The following AGPAT3 variants were observed in gnomAD, a reference collection of about 807,000 sequenced individuals.
The protein encoded by AGPAT3 is 1-acylglycerol-3-phosphate O-acyltransferase 3.
Under a neutral mutation model 47.3 loss-of-function variants are expected in AGPAT3, and 5 were observed. That is an observed-to-expected ratio of 0.11 (90% CI 0.06 to 0.22). The LOEUF (loss-of-function observed/expected upper bound fraction) is 0.22. Ranked by LOEUF, AGPAT3 falls within the 10% of genes least tolerant of loss-of-function variation. The pLI is 1.00. For missense variants in AGPAT3, 315 were observed against 493.0 expected (o/e 0.64, Z 3.42); for synonymous variants, 212 against 208.3 (o/e 1.02, Z -0.15).
In AGPAT3 at chr21:43,954,064, C is replaced by G. The variant is rs1569086940; in HGVS notation, c.-48-5570C>G. The stretch of plus-strand genomic sequence containing the variant: ...GTCAACTTCACATTGTCTGGGGATG[C>G]ATAATTTCCTAAAAATCGCTCTCAT... On this transcript the variant is annotated intron_variant, in intron 2 of 9. Coordinates refer to ENST00000291572, the MANE Select transcript of AGPAT3 (RefSeq NM_020132.5). The surrounding 1 kb of genome is among the most constrained non-coding windows in gnomAD (Gnocchi z 4.0). Among the ~76,000 whole-genome samples, 1 of 152,230 alleles carries G rather than the reference C, an allele frequency of 6.6e-6. No individual in the cohort carries two copies. The highest frequency in any genetic ancestry group is 1.5e-5 in the Non-Finnish European group (1 of 68,032).
Position 43,933,308 on chromosome 21 carries a change from G to T in AGPAT3, c.-48-26326G>T, listed in dbSNP as rs552836485. On this transcript the variant is annotated intron_variant, in intron 2 of 9. Transcript: ENST00000291572. The surrounding 1 kb of genome is among the most constrained non-coding windows in gnomAD (Gnocchi z 6.0). Reference sequence around the variant, plus strand: ...ATGCTGGGCCTGCATCGGGCATGTGGTCTGCAGGGTTTTCTCTCCCTTGCG... The same window carrying T: ...ATGCTGGGCCTGCATCGGGCATGTGTTCTGCAGGGTTTTCTCTCCCTTGCG... 3.9e-5 allele frequency among the ~76,000 whole-genome samples: 6 copies of T among 152,256 alleles called. No individual in the cohort carries two copies. Among genetic ancestry groups the T allele is most frequent in the African/African-American group, 1.4e-4 (6 of 41,536 alleles).
chr21:43,964,123 G>A (rs868637230), intron 3 of AGPAT3, among the ~76,000 whole-genome samples: 7 of 151,930 alleles, frequency 4.6e-5, no homozygotes, highest in Admixed American at 6.6e-5. Context: ...AGTGGGTCAC[G>A]CCTGTAATCC....
At chr21:43,915,566 C>T (rs2086710128) in intron 2 of AGPAT3, among the ~76,000 whole-genome samples, 2 of 151,500 alleles carry the variant, frequency 1.3e-5, no homozygotes, top group South Asian at 4.2e-4. Flanking sequence ...CATGCACCAC[C>T]ATGCCTGGCT....
chr21:43,940,245 G>A (rs1005338241), intron 2 of AGPAT3, among the ~76,000 whole-genome samples: 4 of 152,272 alleles, frequency 2.6e-5, no homozygotes, highest in Admixed American at 6.5e-5. Context: ...ACCGAGGGCT[G>A]AAGATGCTGA....
chr21:43,911,479 C>A (rs2086632444), intron 2 of AGPAT3, among the ~76,000 whole-genome samples: 1 of 152,162 alleles, frequency 6.6e-6, no homozygotes, highest in Admixed American at 6.5e-5. Context: ...GCAACACTGG[C>A]CCTCACAGCT....
At chr21:43,953,060 C>G (rs2088277215) in intron 2 of AGPAT3, among the ~76,000 whole-genome samples, 1 of 152,180 alleles carries the variant, frequency 6.6e-6, no homozygotes. Context: ...AGCGGCTCTG[C>G]CATGCATTCT....
At chr21:43,875,956 C>CT (rs965428828) in intron 1 of AGPAT3, among the ~76,000 whole-genome samples, 21 of 150,996 alleles carry the variant, frequency 1.4e-4, no homozygotes, top group Middle Eastern at 3.4e-3. Flanking sequence ...TTTCTTTTTT[C>CT]TTTTTTTTTG....
chr21:43,939,539 C>T lies in AGPAT3; in HGVS notation c.-48-20095C>T, dbSNP rs191565460. ...GCGTGGGAGCTCTGAACATGGGACC[C>T]GGAGCACCACCGTTTAGCAAACCTT... On this transcript the variant is annotated intron_variant, in intron 2 of 9. Transcript: ENST00000291572. This position sits in a 1 kb window ranked among gnomAD's most constrained non-coding sequence, Gnocchi z 4.4. Among the ~76,000 whole-genome samples, 11 of 152,288 alleles carry T rather than the reference C, an allele frequency of 7.2e-5. No individual in the cohort carries two copies. Among genetic ancestry groups the T allele is most frequent in the Non-Finnish European group, 1.2e-4 (8 of 68,030 alleles).
chr21:43,886,454 G>C (rs2085981208), intron 1 of AGPAT3, among the ~76,000 whole-genome samples: 1 of 151,906 alleles, frequency 6.6e-6, no homozygotes, highest in Admixed American at 6.6e-5. Context: ...GTTTCACCCT[G>C]TTGGCCAGGC....
At chr21:43,910,840 G>A (rs773054729) in intron 2 of AGPAT3, among the ~76,000 whole-genome samples, 1 of 152,154 alleles carries the variant, frequency 6.6e-6, no homozygotes, top group African/African-American at 2.4e-5. Flanking sequence ...AGGCTGTACT[G>A]TTCCAACCAC....
At chr21:43,896,944 T>C (rs78154679) in intron 1 of AGPAT3, among the ~76,000 whole-genome samples, 1 of 60,544 alleles carries the variant, frequency 1.7e-5, no homozygotes, top group African/African-American at 1.1e-4. Context: ...TGACAGTCCG[T>C]TTTTTTTTTT....
intron 2 of AGPAT3, among the ~76,000 whole-genome samples, chr21:43,947,484 C>T (rs781304746): frequency 1.2e-4 from 19 of 152,206 alleles, no homozygotes; most frequent in Non-Finnish European, 2.2e-4. Context: ...GGCCTGGAAA[C>T]GTCGCAGTCT....
intron 8 of AGPAT3, among the ~76,000 whole-genome samples, chr21:43,979,721 C>T (rs571279384): frequency 1.3e-5 from 2 of 152,298 alleles, no homozygotes; most frequent in South Asian, 4.1e-4. Flanking sequence ...TGAATTTATA[C>T]AAACAACATA....
chr21:43,868,731 A>G (rs575788159), intron 1 of AGPAT3, among the ~76,000 whole-genome samples: 7 of 152,234 alleles, frequency 4.6e-5, no homozygotes, highest in South Asian at 2.1e-4. Flanking sequence ...CTCATGTCCT[A>G]TTAGCTGACC....
chr21:43,973,567 C>T (rs983158061), intron 7 of AGPAT3, among the ~76,000 whole-genome samples: 7 of 152,232 alleles, frequency 4.6e-5, no homozygotes, highest in African/African-American at 1.7e-4. Context: ...CAGCCCCCCA[C>T]GGAGAGACTC....
chr21:43,971,592 C>G (rs1322655137), intron 7 of AGPAT3, 102 bp downstream of exon 7: 6 of 1,053,120 alleles, frequency 5.7e-6, no homozygotes, highest in Non-Finnish European at 8.6e-6. Flanking sequence ...CCACGTCCCA[C>G]AGCCCCGCAG....
chr21:43,955,805 C>G lies in AGPAT3; in HGVS notation c.-48-3829C>G, dbSNP rs566613390. On this transcript the variant is annotated intron_variant, in intron 2 of 9. Transcript: ENST00000291572. The surrounding 1 kb of genome is among the most constrained non-coding windows in gnomAD (Gnocchi z 4.1). ...CCTGTGGTCCCAGCTACTCGGGAGG[C>G]TGAGGCATGAGAATTGCTTGAACCC... Among the ~76,000 whole-genome samples, 61 of 151,308 alleles carry G rather than the reference C, an allele frequency of 4.0e-4. 1 individual carries two copies. Among genetic ancestry groups the G allele is most frequent in the African/African-American group, 1.3e-3 (53 of 41,206 alleles).
chr21:43,918,983 C>A (rs2086826434), intron 2 of AGPAT3, among the ~76,000 whole-genome samples: 1 of 152,116 alleles, frequency 6.6e-6, no homozygotes, highest in African/African-American at 2.4e-5. Context: ...ATCGTTATTA[C>A]TTAACATTCT....
intron 2 of AGPAT3, among the ~76,000 whole-genome samples, chr21:43,940,119 G>A (rs924768632): frequency 1.3e-5 from 2 of 152,244 alleles, no homozygotes; most frequent in Non-Finnish European, 2.9e-5. Context: ...CCCCTGCCAA[G>A]CCTGGGCAGC....
Sources: gnomAD v4.1 joint callset for allele counts (sites outside exome capture counted in the v4.1 genomes callset) on GRCh38, gnomAD v4.1.1 for gene constraint, Gnocchi (gnomAD v3.1) non-coding constraint, MANE v1.5 for transcripts, NCBI Gene and HGNC (gene_info 2026-07-23, HGNC 2026-07-21) for gene names.